MMP19: variants seen among roughly 807,000 people sequenced by gnomAD.
The protein encoded by MMP19 is matrix metalloproteinase-19.
In MMP19, 47 loss-of-function variants were observed where a neutral mutation model predicts 46.6. The observed-to-expected ratio is 1.01, with a 90% confidence interval of 0.80 to 1.29. The LOEUF is 1.29. Ranked by LOEUF, MMP19 falls within the 50% of genes most tolerant of loss-of-function variation. MMP19 has a pLI of 0.00. For missense variants in MMP19, 589 were observed against 643.5 expected, an observed-to-expected ratio of 0.92 and a Z score of 0.92; for synonymous variants, 222 against 248.5, an observed-to-expected ratio of 0.89 and a Z score of 1.00.
chr12:55,842,278 G>T, intron 2 of MMP19, 75 bp downstream of exon 2: 1 of 1,218,072 alleles, frequency 8.2e-7, no homozygotes, highest in Non-Finnish European at 1.2e-6. Context: ...AGGTGGGCCT[G>T]GGGAGAGGAA....
In MMP19 at chr12:55,836,910, A is replaced by G; in HGVS notation, c.*126T>C. 1.1e-6 allele frequency: 1 copy of G among 882,566 alleles called. No homozygotes were observed. Among genetic ancestry groups the G allele is most frequent in the Non-Finnish European group, 1.7e-6 (1 of 579,812 alleles). 54.7% of individuals were successfully genotyped at this position (882,566 alleles called of 1,614,324 possible). A position where few individuals can be genotyped will look rare whatever the true frequency, so the allele number is the denominator to read the frequency against. On this transcript the variant is annotated 3_prime_UTR_variant, in exon 9 of 9. Coordinates refer to ENST00000322569, the MANE Select transcript of MMP19 (RefSeq NM_002429.6). ...GTCTTGCGCCTGCTACAGCACCTGC[A>G]AGGTTCTACTGAGCAGACAGGTATT...
rs1348755509 is a variant in MMP19, at chr12:55,837,996, TC to T, written c.906del (p.Lys303ArgfsTer71). On this transcript the variant is annotated frameshift_variant, in exon 7 of 9. Coordinates refer to ENST00000322569, the MANE Select transcript of MMP19 (RefSeq NM_002429.6). LOFTEE classifies it high-confidence loss of function. ...TAGTCCCCCTTGAAAGCATAGGTCT[TC>T]CCACGGGGCCCTGAGCGTAATGGTG... ...ELDAMMLGPR[G>X]KTYAFKGDYV... is the part of the protein sequence containing the mutation. The T allele has an allele frequency of 5.1e-6, 8 of 1,584,062 alleles. No individual in the cohort carries two copies. In the South Asian group the frequency reaches 6.7e-5, roughly 13 times the overall value.
chr12:55,841,154 C>T lies in MMP19; in HGVS notation c.256G>A (p.Gly86Ser), dbSNP rs202159629. Residue 86 changes from glycine (G) to serine (S), a missense_variant, in exon 3 of 9, where the codon GGC becomes AGC. Coordinates refer to ENST00000322569, the MANE Select transcript of MMP19 (RefSeq NM_002429.6). ...TTCTGGTTGAAGGGATCCTCTAGGCCACAACGAGGCTGCCTCATGCGGGCC... is the reference window on the plus strand; with the variant it reads ...TTCTGGTTGAAGGGATCCTCTAGGCTACAACGAGGCTGCCTCATGCGGGCC... Reference protein sequence around the residue: ...TRARMRQPRCGLEDPFNQKTL... With the variant: ...TRARMRQPRCSLEDPFNQKTL... 6.0e-5 allele frequency: 97 copies of T among 1,613,834 alleles called. 1 individual carries two copies. In the Middle Eastern group the frequency reaches 1.0e-3, roughly 17 times the overall value.
At position 55,836,155 on chromosome 12, in the gene MMP19, A is replaced by G. The variant is rs1381927384; in HGVS notation, c.*881T>C. Reference sequence around the variant, plus strand: ...TGTTCCTGGTTTCCCAGATGCATAAAGGAAGACATATCCCTCCCCTGGGCA... The same window carrying G: ...TGTTCCTGGTTTCCCAGATGCATAAGGGAAGACATATCCCTCCCCTGGGCA... On this transcript the variant is annotated 3_prime_UTR_variant, in exon 9 of 9. Coordinates refer to ENST00000322569, the MANE Select transcript of MMP19 (RefSeq NM_002429.6). The G allele has an allele frequency of 3.3e-5, 5 of 152,162 alleles. 1 individual carries two copies. The highest frequency in any genetic ancestry group is 4.1e-4 in the South Asian group (2 of 4,826). The allele number at this position is 152,162 out of a possible 1,614,324, so 9.4% of individuals were successfully genotyped here. A position where few individuals can be genotyped will look rare whatever the true frequency, so the allele number is the denominator to read the frequency against.
At position 55,839,726 on chromosome 12, in the gene MMP19, T is replaced by C. The variant is rs1355956214; in HGVS notation, c.536A>G (p.His179Arg). ...ACTGCCCAGCTCTGGGATGTCGGCA[T>C]GGGCCAGGACTCTCCCTGGACAAAG... ...TFDGPGRVLA[H>R]ADIPELGSVH... Residue 179 changes from histidine to arginine, a missense_variant, in exon 5 of 9, where the codon CAT becomes CGT. Coordinates refer to ENST00000322569, the MANE Select transcript of MMP19 (RefSeq NM_002429.6). 3 of 1,612,198 alleles carry C rather than the reference T, an allele frequency of 1.9e-6. No homozygotes were observed. The highest frequency in any genetic ancestry group is 2.5e-6 in the Non-Finnish European group (3 of 1,179,224).
rs370803104 is a variant in MMP19, at chr12:55,837,900, C to T, written c.1003G>A (p.Gly335Arg). The change falls in exon 7 of 9, where the codon GGA becomes AGA. Residue 335 changes from glycine to arginine, a missense_variant. Coordinates refer to ENST00000322569, the MANE Select transcript of MMP19 (RefSeq NM_002429.6). The stretch of plus-strand genomic sequence containing the variant: ...GAGTAGACAGCAGCATCCAGGTTTC[C>T]GGGGAGCCCCTCCCAAAGGGCAGAC... The part of the protein sequence containing the change: ...RVSALWEGLP[G>R]NLDAAVYSPR... 10 of 1,613,182 alleles carry T rather than the reference C, an allele frequency of 6.2e-6. No individual in the cohort carries two copies. Among genetic ancestry groups the T allele is most frequent in the South Asian group, 2.2e-5 (2 of 91,044 alleles).
At chr12:55,842,670 G>A in intron 1 of MMP19, 74 bp downstream of exon 1, 2 of 1,260,066 alleles carry the variant, frequency 1.6e-6, no homozygotes, top group Non-Finnish European at 2.3e-6. Context: ...GGTCAGGAGG[G>A]AGGCTTCGAT....
Position 55,841,245 on chromosome 12 carries a change from G to A in MMP19, c.174-9C>T. 1 of 1,610,864 alleles carries A rather than the reference G, an allele frequency of 6.2e-7. No homozygotes were observed. Among genetic ancestry groups the A allele is most frequent in the Admixed American group, 1.7e-5 (1 of 60,010 alleles). ...ATGCTTCCTGAAAAGCTCTGAAGGA[G>A]GGAGAGGGATGGGTCTACCAGGACA... is the stretch of plus-strand genomic sequence containing the variant. On this transcript the variant is annotated splice_polypyrimidine_tract_variant and intron_variant, in intron 2 of 8. Coordinates refer to ENST00000322569, the MANE Select transcript of MMP19 (RefSeq NM_002429.6).
intron 6 of MMP19, 57 bp from the exon 7 acceptor site, chr12:55,838,064 T>G: frequency 6.7e-7 from 1 of 1,490,080 alleles, no homozygotes; most frequent in Non-Finnish European, 9.0e-7. Flanking sequence ...AGACAGAAAC[T>G]TGGGGGTATC....
chr12:55,837,673 A>T lies in MMP19; in HGVS notation c.1070T>A (p.Val357Glu). 6.2e-7 allele frequency: 1 copy of T among 1,614,130 alleles called. No individual in the cohort carries two copies. The highest frequency in any genetic ancestry group is 8.5e-7 in the Non-Finnish European group (1 of 1,180,034). Residue 357 changes from valine to glutamate, a missense_variant, in exon 8 of 9, where the codon GTG becomes GAG. Val to Glu is a moderately radical substitution (Grantham distance 121). Coordinates refer to ENST00000322569, the MANE Select transcript of MMP19 (RefSeq NM_002429.6). ...CATCTTGAAATTAATGTAGCGCCACACCTTGTCTCCTGAGAGCATGTGAGG... is the reference window on the plus strand; with the variant it reads ...CATCTTGAAATTAATGTAGCGCCACTCCTTGTCTCCTGAGAGCATGTGAGG... ...QWIHFFKGDK[V>E]WRYINFKMSP...
Position 55,842,811 on chromosome 12 carries a change from C to T in MMP19, c.20G>A (p.Trp7Ter). 6.2e-7 allele frequency: 1 copy of T among 1,602,046 alleles called. No homozygotes were observed. Among genetic ancestry groups the T allele is most frequent in the Non-Finnish European group, 8.5e-7 (1 of 1,174,738 alleles). The change falls in exon 1 of 9, where the codon TGG (tryptophan) becomes TAG (stop). Residue 7 changes from tryptophan (W) to a stop codon, truncating the protein, a stop_gained. Transcript: ENST00000322569. LOFTEE classifies it high-confidence loss of function. ...TGTCATGGGGAGTAGGAAGCCCAGCCACAGCTGCTGGCAGTTCATGGTCCC... is the reference window on the plus strand; with the variant it reads ...TGTCATGGGGAGTAGGAAGCCCAGCTACAGCTGCTGGCAGTTCATGGTCCC... MNCQQLWLGFLLPMTVS... is the reference protein window; with the variant it reads MNCQQL
chr12:55,842,471 G>A, intron 1 of MMP19, 33 bp from the exon 2 acceptor site: 1 of 1,516,750 alleles, frequency 6.6e-7, no homozygotes, highest in African/African-American at 1.4e-5. Context: ...CAGGTTAAAA[G>A]GGGGTTAGTC....
chr12:55,841,429 C>A lies in MMP19; in HGVS notation c.174-193G>T. On this transcript the variant is annotated intron_variant, in intron 2 of 8. Transcript: ENST00000322569. Reference sequence around the variant, plus strand: ...CTTCTGTTCTGCAGAAATGGAGATACTCCAGCTTCATCTCCCCATTTTCAG... The same window carrying A: ...CTTCTGTTCTGCAGAAATGGAGATAATCCAGCTTCATCTCCCCATTTTCAG... 5.3e-6 allele frequency: 3 copies of A among 566,104 alleles called. No individual in the cohort carries two copies. In the South Asian group the frequency reaches 7.5e-5, roughly 14 times the overall value. The allele number at this position is 566,104 out of a possible 1,614,324, so 35.1% of individuals were successfully genotyped here.
chr12:55,839,926 C>T (rs1881562779), intron 4 of MMP19, 185 bp from the exon 5 acceptor site: 2 of 780,372 alleles, frequency 2.6e-6, no homozygotes, highest in African/African-American at 3.5e-5. Context: ...TCAGGAATGC[C>T]CATCACTGTC....
chr12:55,839,542 G>C lies in MMP19; in HGVS notation c.720C>G (p.His240Gln). The C allele has an allele frequency of 6.2e-7, 1 of 1,613,702 alleles. No individual in the cohort carries two copies. Among genetic ancestry groups the C allele is most frequent in the Non-Finnish European group, 8.5e-7 (1 of 1,179,584 alleles). Residue 240 changes from histidine to glutamine, a missense_variant, in exon 5 of 9, where the codon CAC becomes CAG. By Grantham distance (24) the His-to-Gln change is conservative (BLOSUM62 0). Coordinates refer to ENST00000322569, the MANE Select transcript of MMP19 (RefSeq NM_002429.6). ...CCACATCATCTGGGTGCAGCTTAAAGTGGGGCCGGTAGCCCTCGTAGACTG... is the reference window on the plus strand; with the variant it reads ...CCACATCATCTGGGTGCAGCTTAAACTGGGGCCGGTAGCCCTCGTAGACTG... ...MAPVYEGYRP[H>Q]FKLHPDDVAG...
rs755963167 is a variant in MMP19, at chr12:55,842,364, G to T, written c.162C>A (p.Thr54=). The T allele has an allele frequency of 6.2e-7, 1 of 1,613,550 alleles. No individual in the cohort carries two copies. The highest frequency in any genetic ancestry group is 1.7e-5 in the Admixed American group (1 of 60,028). ...GSNNFKPEDI[T]EALRAFQEAS... ...TCATAGCTTCTCACCTCAGAGCCTCGGTGATATCTTCTGGCTTGAAGTTAT... is the reference window on the plus strand; with the variant it reads ...TCATAGCTTCTCACCTCAGAGCCTCTGTGATATCTTCTGGCTTGAAGTTAT... Residue 54 remains threonine, a synonymous_variant, in exon 2 of 9, where the codon ACC becomes ACA. Transcript: ENST00000322569.
At position 55,838,216 on chromosome 12, in the gene MMP19, T is replaced by C. The variant is rs1257214135; in HGVS notation, c.896-209A>G. 24 of 629,602 alleles carry C rather than the reference T, an allele frequency of 3.8e-5. No homozygotes were observed. The East Asian group carries it at 6.2e-4, about 16-fold the overall frequency. The allele number at this position is 629,602 out of a possible 1,614,324, so 39.0% of individuals were successfully genotyped here. On this transcript the variant is annotated intron_variant, in intron 6 of 8. Transcript: ENST00000322569. ...TCAGAGCGTTTCAGCTTTGGTCCACTCAACAAAACAAAAGCCCTGCAGATA... is the reference window on the plus strand; with the variant it reads ...TCAGAGCGTTTCAGCTTTGGTCCACCCAACAAAACAAAAGCCCTGCAGATA...
rs374618489 is a variant in MMP19, at chr12:55,839,705, C to A, written c.557G>T (p.Gly186Val). The A allele has an allele frequency of 4.3e-6, 7 of 1,613,714 alleles. No homozygotes were observed. Among genetic ancestry groups the A allele is most frequent in the Non-Finnish European group, 5.9e-6 (7 of 1,179,878 alleles). The part of the protein sequence containing the change: ...VLAHADIPEL[G>V]SVHFDEDEFW... ...CTCGTCTTCGTCGAAGTGCACACTGCCCAGCTCTGGGATGTCGGCATGGGC... is the reference window on the plus strand; with the variant it reads ...CTCGTCTTCGTCGAAGTGCACACTGACCAGCTCTGGGATGTCGGCATGGGC... Residue 186 changes from glycine (G) to valine (V), a missense_variant, in exon 5 of 9, where the codon GGC (glycine) becomes GTC (valine). Coordinates refer to ENST00000322569, the MANE Select transcript of MMP19 (RefSeq NM_002429.6).
intron 1 of MMP19, 99 bp from the exon 2 acceptor site, chr12:55,842,537 T>C: frequency 1.0e-6 from 1 of 987,830 alleles, no homozygotes; most frequent in Non-Finnish European, 1.6e-6. Flanking sequence ...AGGGACCTGA[T>C]ATGGAAGCAC....
Sources: allele counts gnomAD v4.1 joint callset, GRCh38; gene constraint gnomAD v4.1.1; transcripts MANE v1.5; gene names NCBI Gene and HGNC (gene_info 2026-07-23, HGNC 2026-07-21).